Variants in ARNT2 observed in about 807,000 individuals in gnomAD.
ARNT2 encodes ARNT protein 2.
ARNT2 carries 36 observed loss-of-function variants against 91.7 expected under a neutral mutation model. The ratio of observed to expected loss-of-function variants is 0.39; its 90% CI spans 0.30 to 0.52. ARNT2 has a LOEUF of 0.52. Ranked by LOEUF, ARNT2 falls within the 20% of genes least tolerant of loss-of-function variation. The pLI, the probability that ARNT2 is intolerant of heterozygous loss-of-function variation, is 0.72. For missense variants in ARNT2, 775 were observed against 939.3 expected (o/e 0.83, Z 2.29); for synonymous variants, 365 against 347.1 (o/e 1.05, Z -0.57).
rs62006421 is a variant in ARNT2 at position 80,523,834 on chromosome 15, G to A, written c.877+9429G>A. The stretch of plus-strand genomic sequence containing the variant: ...TGCAGGTCTGTGACTGTGAGTGTGA[G>A]TGTACAGGGTAACAGAGCAGTGGGA... On this transcript the variant is annotated intron_variant, in intron 8 of 18. Transcript: ENST00000303329. Among the ~76,000 whole-genome samples the A allele has an allele frequency of 6.4e-3, 972 of 152,324 alleles. 2 individuals are homozygous for A. Among genetic ancestry groups the A allele is most frequent in the Non-Finnish European group, 0.011 (761 of 68,018 alleles).
chr15:80,565,260 C>G (rs1221988112), intron 12 of ARNT2, among the ~76,000 whole-genome samples: 1 of 152,150 alleles, frequency 6.6e-6, no homozygotes, highest in African/African-American at 2.4e-5. Context: ...TTGATGGGCA[C>G]CTGGATTTGT....
chr15:80,561,057 T>C (rs539953403), intron 11 of ARNT2, among the ~76,000 whole-genome samples: 87 of 152,326 alleles, frequency 5.7e-4, no homozygotes, highest in African/African-American at 2.0e-3. Flanking sequence ...TCTGAGAGCC[T>C]GCTCCTTGCA....
chr15:80,489,004 T>G (rs1349646556), intron 5 of ARNT2, among the ~76,000 whole-genome samples: 8 of 152,218 alleles, frequency 5.3e-5, no homozygotes, highest in Non-Finnish European at 1.2e-4. Context: ...AAGTAGTATT[T>G]TTTTAGGCAG....
At chr15:80,405,645 C>T (rs1280416339) in intron 1 of ARNT2, among the ~76,000 whole-genome samples, 1 of 152,150 alleles carries the variant, frequency 6.6e-6, no homozygotes, top group Non-Finnish European at 1.5e-5. Context: ...TTTGAATATA[C>T]AGAGCCAGTA....
At chr15:80,544,925 C>G (rs1375932326) in intron 8 of ARNT2, among the ~76,000 whole-genome samples, 1 of 152,148 alleles carries the variant, frequency 6.6e-6, no homozygotes, top group Non-Finnish European at 1.5e-5. Flanking sequence ...AAGTCCAGGA[C>G]CAGCAGGCGA....
chr15:80,580,234 AG>A, intron 15 of ARNT2, 176 bp from the exon 16 acceptor site: 2 of 753,584 alleles, frequency 2.7e-6, no homozygotes, highest in Non-Finnish European at 4.5e-6. Context: ...CTGAAGGGAG[AG>A]GAGGACGGCC....
At chr15:80,429,553 A>G (rs891519329) in intron 1 of ARNT2, among the ~76,000 whole-genome samples, 2 of 152,186 alleles carry the variant, frequency 1.3e-5, no homozygotes, top group Non-Finnish European at 1.5e-5. Flanking sequence ...TCCTACACTC[A>G]TAACAGAAAG....
chr15:80,532,555 G>A (rs1897756284), intron 8 of ARNT2, among the ~76,000 whole-genome samples: 1 of 152,206 alleles, frequency 6.6e-6, no homozygotes, highest in Non-Finnish European at 1.5e-5. Context: ...AAGGACAGAT[G>A]CATGCTTTGC....
chr15:80,457,399 A>G (rs1180805941), intron 2 of ARNT2, among the ~76,000 whole-genome samples: 4 of 152,214 alleles, frequency 2.6e-5, no homozygotes, highest in Non-Finnish European at 2.9e-5. Flanking sequence ...AAGACCAGCC[A>G]CATTTTTAAG....
intron 1 of ARNT2, among the ~76,000 whole-genome samples, chr15:80,415,406 C>T (rs548916882): frequency 2.0e-5 from 3 of 152,350 alleles, no homozygotes; most frequent in East Asian, 3.9e-4. Flanking sequence ...TCCTGTGTGG[C>T]AGGAGAGTCG....
chr15:80,433,187 G>A (rs866325529), intron 1 of ARNT2, among the ~76,000 whole-genome samples: 1 of 110,182 alleles, frequency 9.1e-6, no homozygotes, highest in South Asian at 3.1e-4. Context: ...GTAAACAGCG[G>A]GTATGCCCAC....
At chr15:80,498,688 A>G (rs551379390) in intron 5 of ARNT2, among the ~76,000 whole-genome samples, 12 of 152,380 alleles carry the variant, frequency 7.9e-5, no homozygotes, top group African/African-American at 2.9e-4. Flanking sequence ...ACCAAAAGGA[A>G]AAATTGAAGA....
chr15:80,572,995 C>G (rs1009715917), intron 12 of ARNT2, among the ~76,000 whole-genome samples: 8 of 152,216 alleles, frequency 5.3e-5, no homozygotes, highest in Non-Finnish European at 7.3e-5. Flanking sequence ...TTACTTCCTT[C>G]CACTGAATAA....
At chr15:80,437,983 T>G (rs1896118715) in intron 1 of ARNT2, among the ~76,000 whole-genome samples, 1 of 151,938 alleles carries the variant, frequency 6.6e-6, no homozygotes, top group South Asian at 2.1e-4. Flanking sequence ...TCTGTCTGGA[T>G]GTACACATAT....
intron 5 of ARNT2, among the ~76,000 whole-genome samples, chr15:80,482,441 C>A (rs3935990): frequency 1.4e-4 from 22 of 152,018 alleles, no homozygotes; most frequent in East Asian, 9.7e-4. Flanking sequence ...ATTATCGGCC[C>A]CATTTCACAG....
chr15:80,574,681 G>A (rs1054327865), intron 13 of ARNT2, among the ~76,000 whole-genome samples: 2 of 152,080 alleles, frequency 1.3e-5, no homozygotes, highest in African/African-American at 4.8e-5. Flanking sequence ...TCCACATGAT[G>A]TCCACTTTTC....
chr15:80,485,937 T>TG (rs1165766939), intron 5 of ARNT2, among the ~76,000 whole-genome samples: 4 of 152,162 alleles, frequency 2.6e-5, no homozygotes, highest in Admixed American at 6.5e-5. Context: ...TACTACAAAC[T>TG]GGGCAGCTTA....
chr15:80,557,600 A>G (rs1042692907), intron 11 of ARNT2, among the ~76,000 whole-genome samples: 2 of 152,124 alleles, frequency 1.3e-5, no homozygotes, highest in Admixed American at 1.3e-4. Context: ...CCACACTGCC[A>G]CGTGAATGCC....
At chr15:80,437,653 C>T (rs999317357) in intron 1 of ARNT2, among the ~76,000 whole-genome samples, 1 of 152,152 alleles carries the variant, frequency 6.6e-6, no homozygotes, top group Non-Finnish European at 1.5e-5. Flanking sequence ...GGGAAGTTTG[C>T]TCAGCTGGAG....
Sources: allele counts gnomAD v4.1 joint callset (sites outside exome capture counted in the v4.1 genomes callset), GRCh38; gene constraint gnomAD v4.1.1; transcripts MANE v1.5; gene names NCBI Gene and HGNC (gene_info 2026-07-23, HGNC 2026-07-21).